MDM1: variants seen among roughly 807,000 people sequenced by gnomAD.
The protein encoded by MDM1 is stabilizer of axonemal microtubules 6.
Under a neutral mutation model 89.1 loss-of-function variants are expected in MDM1, and 61 were observed. The ratio of observed to expected loss-of-function variants is 0.68; its 90% confidence interval spans 0.56 to 0.85. The LOEUF is 0.85. MDM1 is among the 40% of genes least tolerant of loss of function. The probability of loss-of-function intolerance (pLI) is 0.00; values close to 1 mark genes in which losing one functional copy is unlikely to be tolerated. For missense variants in MDM1, 820 were observed against 846.5 expected, an observed-to-expected ratio of 0.97 and a Z score of 0.39; for synonymous variants, 290 against 294.1, an observed-to-expected ratio of 0.99 and a Z score of 0.14.
chr12:68,326,330 A>T, intron 3 of MDM1: 1 of 1,379,844 alleles, frequency 7.2e-7, no homozygotes, highest in African/African-American at 1.5e-5. Flanking sequence ...CCCTGCCAGA[A>T]GTAAGGGCCT....
In MDM1 at chr12:68,315,079, C is replaced by T; in HGVS notation, c.1398G>A (p.Gln466=). 6.2e-7 allele frequency: 1 copy of T among 1,614,136 alleles called. No homozygotes were observed. Among genetic ancestry groups the T allele is most frequent in the Non-Finnish European group, 8.5e-7 (1 of 1,180,024 alleles). The change falls in exon 10 of 15, where the codon CAG becomes CAA. Residue 466 remains glutamine (Q), a synonymous_variant. Transcript: ENST00000682720. ...CGTCCTCCTCCTCTTTCTCCCCGGG[C>T]TGTTTCTGTACGTCTTCACTTGTGT... The part of the protein sequence containing the change: ...TENTSEDVQK[Q]PGEKEEEDDN...
intron 12 of MDM1, among the ~76,000 whole-genome samples, chr12:68,303,691 A>G (rs1022833900): frequency 6.6e-6 from 1 of 152,234 alleles, no homozygotes; most frequent in Non-Finnish European, 1.5e-5. Flanking sequence ...AAATAAGATT[A>G]TGAATATTTC....
At chr12:68,298,942 G>A (rs1355135582) in intron 13 of MDM1, among the ~76,000 whole-genome samples, 3 of 152,034 alleles carry the variant, frequency 2.0e-5, no homozygotes, top group Admixed American at 6.6e-5. Flanking sequence ...AGGAGACAGC[G>A]AACTTGCCGA....
intron 1 of MDM1, among the ~76,000 whole-genome samples, chr12:68,331,698 C>T (rs896626995): frequency 9.8e-5 from 15 of 152,302 alleles, no homozygotes; most frequent in Middle Eastern, 3.4e-3. Context: ...GACGCTGTGG[C>T]CACCTGTGAA....
chr12:68,315,093 C>T lies in MDM1; in HGVS notation c.1384G>A (p.Asp462Asn), dbSNP rs868797129. 3 of 1,614,136 alleles carry T rather than the reference C, an allele frequency of 1.9e-6. No individual in the cohort carries two copies. The East Asian group carries it at 6.7e-5, about 36-fold the overall frequency. ...TTCTCCCCGGGCTGTTTCTGTACGTCTTCACTTGTGTTCTCTGTATCCCAA... is the reference window on the plus strand; with the variant it reads ...TTCTCCCCGGGCTGTTTCTGTACGTTTTCACTTGTGTTCTCTGTATCCCAA... ...LAWDTENTSE[D>N]VQKQPGEKEE... The change falls in exon 10 of 15, where the codon GAC becomes AAC. Residue 462 changes from aspartate to asparagine, a missense_variant. Physicochemically the swap from Asp to Asn is conservative, Grantham distance 23. Coordinates refer to ENST00000682720, the MANE Select transcript of MDM1 (RefSeq NM_001354969.2).
chr12:68,314,006 G>A lies in MDM1; in HGVS notation c.1530-253C>T, dbSNP rs572433705. Among the ~76,000 whole-genome samples, 12 of 151,904 alleles carry A rather than the reference G, an allele frequency of 7.9e-5. No homozygotes were observed. In the South Asian group the frequency reaches 1.0e-3, roughly 13 times the overall value. ...AACAAAATTAGCTGGGTGTGGTGGC[G>A]GGCACCTGTAGTCCCAGCTACTTGG... On this transcript the variant is annotated intron_variant, in intron 10 of 14. Transcript: ENST00000682720.
In MDM1 at chr12:68,302,627, C is replaced by T. The variant is rs774085663; in HGVS notation, c.1995G>A (p.Gln665=). The T allele has an allele frequency of 6.2e-7, 1 of 1,611,000 alleles. No homozygotes were observed. Among genetic ancestry groups the T allele is most frequent in the South Asian group, 1.1e-5 (1 of 90,660 alleles). The change falls in exon 13 of 15, where the codon CAG becomes CAA. Residue 665 remains glutamine, a synonymous_variant. Transcript: ENST00000682720. ...IQGSLRDPEF[Q]HNVGKARMNN... ...TAAAACCAAAATAATTACCATTGTG[C>T]TGAAACTCTGGATCTCTAAGAGAGC...
intron 12 of MDM1, 113 bp from the exon 13 acceptor site, chr12:68,302,985 A>ACACAAGG: frequency 5.2e-6 from 5 of 966,788 alleles, no homozygotes; most frequent in Non-Finnish European, 5.8e-6. Flanking sequence ...GAGAAATATG[A>ACACAAGG]GAGAATTTAT....
At chr12:68,303,811 A>G (rs1456763334) in intron 12 of MDM1, among the ~76,000 whole-genome samples, 1 of 152,208 alleles carries the variant, frequency 6.6e-6, no homozygotes, top group Non-Finnish European at 1.5e-5. Flanking sequence ...ATACCTCAAA[A>G]ATTTAACAGT....
Position 68,302,881 on chromosome 12 carries a change from C to CAAAAAA in MDM1, c.1750-15_1750-10dup, listed in dbSNP as rs35426557. 21 of 1,105,746 alleles carry CAAAAAA rather than the reference C, an allele frequency of 1.9e-5. No homozygotes were observed. The highest frequency in any genetic ancestry group is 8.1e-5 in the Admixed American group (2 of 24,616). The allele number at this position is 1,105,746 out of a possible 1,614,324, so 68.5% of individuals were successfully genotyped here. A position where few individuals can be genotyped will look rare whatever the true frequency, so the allele number is the denominator to read the frequency against. The stretch of plus-strand genomic sequence containing the variant: ...ACAGCACGACTTTCTTTCTAAATGA[C>CAAAAAA]AAAAAAAAAAAAAAAAAAAAGATGC... On this transcript the variant is annotated splice_polypyrimidine_tract_variant and intron_variant, in intron 12 of 14. Coordinates refer to ENST00000682720, the MANE Select transcript of MDM1 (RefSeq NM_001354969.2).
intron 12 of MDM1, among the ~76,000 whole-genome samples, chr12:68,308,627 T>TA (rs1451368870): frequency 6.6e-6 from 1 of 152,206 alleles, no homozygotes; most frequent in South Asian, 2.1e-4. Flanking sequence ...ATTATTTTCT[T>TA]AAAAAATTGT....
intron 12 of MDM1, among the ~76,000 whole-genome samples, chr12:68,306,060 C>T (rs1347761548): frequency 2.0e-5 from 3 of 150,784 alleles, no homozygotes; most frequent in Non-Finnish European, 4.4e-5. Context: ...TACTGGTAAA[C>T]AAACAGACAG....
At chr12:68,318,275 G>A (rs557560940) in intron 7 of MDM1, among the ~76,000 whole-genome samples, 1 of 152,266 alleles carries the variant, frequency 6.6e-6, no homozygotes, top group South Asian at 2.1e-4. Context: ...TAGATTGACG[G>A]GGCAGTGGGG....
At chr12:68,325,131 T>C (rs1250408392) in intron 4 of MDM1, 2 of 979,390 alleles carry the variant, frequency 2.0e-6, no homozygotes, top group African/African-American at 3.5e-5. Flanking sequence ...TTTAATAATT[T>C]TTTAATAAGT....
At chr12:68,314,330 C>T (rs1228979781) in intron 10 of MDM1, among the ~76,000 whole-genome samples, 3 of 151,794 alleles carry the variant, frequency 2.0e-5, no homozygotes, top group South Asian at 2.1e-4. Flanking sequence ...AAAAACAACC[C>T]ACAAAGAAAA....
chr12:68,325,617 C>A, intron 3 of MDM1, 42 bp from the exon 4 acceptor site: 1 of 1,449,794 alleles, frequency 6.9e-7, no homozygotes, highest in Non-Finnish European at 9.1e-7. Flanking sequence ...TTAAAAATTT[C>A]TATTCAAACT....
rs569450651 is a variant in MDM1, at chr12:68,295,097, C to G, written c.*157G>C. 3.2e-5 allele frequency: 16 copies of G among 499,084 alleles called. No individual in the cohort carries two copies. The East Asian group carries it at 5.7e-4, about 18-fold the overall frequency. The allele number at this position is 499,084 out of a possible 1,614,324, so 30.9% of individuals were successfully genotyped here. A position where few individuals can be genotyped will look rare whatever the true frequency, so the allele number is the denominator to read the frequency against. The stretch of plus-strand genomic sequence containing the variant: ...TCTTTAAAAGTTAAATTTGTATAAG[C>G]CTATGTTAACAATTTCCAAGTAAAC... On this transcript the variant is annotated 3_prime_UTR_variant, in exon 15 of 15. Coordinates refer to ENST00000682720, the MANE Select transcript of MDM1 (RefSeq NM_001354969.2).
At chr12:68,329,521 C>A (rs1326490059) in intron 2 of MDM1, among the ~76,000 whole-genome samples, 2 of 152,200 alleles carry the variant, frequency 1.3e-5, no homozygotes, top group Non-Finnish European at 2.9e-5. Context: ...GGCAACATCT[C>A]ATTTAAACCC....
chr12:68,304,435 T>C (rs1431797965), intron 12 of MDM1, among the ~76,000 whole-genome samples: 1 of 152,224 alleles, frequency 6.6e-6, no homozygotes, highest in Non-Finnish European at 1.5e-5. Flanking sequence ...TTGCAGAGCT[T>C]ATTGCTTCAA....
Sources: gnomAD v4.1 joint callset for allele counts (sites outside exome capture counted in the v4.1 genomes callset) on GRCh38, gnomAD v4.1.1 for gene constraint, MANE v1.5 for transcripts, NCBI Gene and HGNC (gene_info 2026-07-23, HGNC 2026-07-21) for gene names.